Variants in DNER observed in about 807,000 individuals in gnomAD.
DNER encodes the protein delta and Notch-like epidermal growth factor-related receptor.
In DNER, 33 loss-of-function variants were observed where a neutral mutation model predicts 78.2. The observed-to-expected ratio is 0.42, with a 90% CI of 0.32 to 0.56. DNER has a LOEUF of 0.56. DNER is among the 20% of genes least tolerant of loss of function. The pLI, the probability that DNER is intolerant of heterozygous loss-of-function variation, is 0.11. For missense variants in DNER, 918 were observed against 975.3 expected, an observed-to-expected ratio of 0.94 and a Z score of 0.78; for synonymous variants, 417 against 384.8, an observed-to-expected ratio of 1.08 and a Z score of -0.98.
intron 5 of DNER, among the ~76,000 whole-genome samples, chr2:229,513,771 A>G (rs180692141): frequency 2.6e-4 from 39 of 152,254 alleles, no homozygotes; most frequent in African/African-American, 9.4e-4. Context: ...AGATCTTACT[A>G]CTTAAGAAAA....
chr2:229,633,510 A>G (rs1698474793), intron 1 of DNER, among the ~76,000 whole-genome samples: 1 of 152,272 alleles, frequency 6.6e-6, no homozygotes, highest in African/African-American at 2.4e-5. Flanking sequence ...CTAAGATAGT[A>G]GAATTTCTTT....
chr2:229,658,126 C>T (rs1490556068), intron 1 of DNER, among the ~76,000 whole-genome samples: 2 of 152,136 alleles, frequency 1.3e-5, no homozygotes, highest in East Asian at 1.9e-4. Context: ...ATCAGGGAGT[C>T]GGGGTCATAT....
chr2:229,458,952 A>G (rs929878031), intron 7 of DNER, among the ~76,000 whole-genome samples: 3 of 152,100 alleles, frequency 2.0e-5, no homozygotes, highest in Non-Finnish European at 4.4e-5. Flanking sequence ...ACAAAAATCA[A>G]TAGTGTTTCT....
intron 1 of DNER, among the ~76,000 whole-genome samples, chr2:229,699,812 T>G (rs953541041): frequency 3.9e-5 from 6 of 152,188 alleles, no homozygotes; most frequent in Non-Finnish European, 5.9e-5. Flanking sequence ...AAGCATAGAC[T>G]TCTAATTAAA....
chr2:229,646,583 AT>A (rs1698722712), intron 1 of DNER, among the ~76,000 whole-genome samples: 1 of 152,262 alleles, frequency 6.6e-6, no homozygotes, highest in Non-Finnish European at 1.5e-5. Flanking sequence ...CTTCTGACAG[AT>A]GCTCGTTACA....
chr2:229,696,423 G>A (rs1699663782), intron 1 of DNER, among the ~76,000 whole-genome samples: 1 of 152,204 alleles, frequency 6.6e-6, no homozygotes, highest in African/African-American at 2.4e-5. Flanking sequence ...ACCCTGTGCT[G>A]TTGCTTATAA....
intron 5 of DNER, among the ~76,000 whole-genome samples, chr2:229,527,677 C>T (rs1384661332): frequency 6.6e-6 from 1 of 152,112 alleles, no homozygotes; most frequent in African/African-American, 2.4e-5. Flanking sequence ...TGAGTTACTT[C>T]TATTTTTTAA....
At chr2:229,708,498 G>A (rs977999538) in intron 1 of DNER, among the ~76,000 whole-genome samples, 3 of 152,302 alleles carry the variant, frequency 2.0e-5, no homozygotes, top group South Asian at 2.1e-4. Context: ...CCACATTGTC[G>A]GGTTTTCTGT....
chr2:229,605,377 T>C (rs1697914747), intron 1 of DNER, among the ~76,000 whole-genome samples: 1 of 152,144 alleles, frequency 6.6e-6, no homozygotes, highest in Non-Finnish European at 1.5e-5. Flanking sequence ...ACCTGTATAA[T>C]TGTATCTAAT....
intron 8 of DNER, among the ~76,000 whole-genome samples, chr2:229,419,992 C>A (rs1693731379): frequency 6.7e-6 from 1 of 149,642 alleles, no homozygotes; most frequent in Non-Finnish European, 1.5e-5. Flanking sequence ...GACAGCCTCT[C>A]ACAACAAGAC....
chr2:229,714,299 A>T lies in DNER; in HGVS notation c.125T>A (p.Leu42Gln). Residue 42 changes from leucine (L) to glutamine (Q), a missense_variant, in exon 1 of 13, where the codon CTG (leucine) becomes CAG (glutamine). By Grantham distance (113) the Leu-to-Gln change is moderately radical. Coordinates refer to ENST00000341772, the MANE Select transcript of DNER (RefSeq NM_139072.4). ...SLANPVPAAPLSAPGPCAAQP... is the reference protein window; with the variant it reads ...SLANPVPAAPQSAPGPCAAQP... ...CGCGGCGCACGGCCCGGGCGCAGAC[A>T]GGGGCGCGGCGGGCACCGGGTTGGC... 3.0e-6 allele frequency: 4 copies of T among 1,315,368 alleles called. No individual in the cohort carries two copies. The highest frequency in any genetic ancestry group is 3.9e-6 in the Non-Finnish European group (4 of 1,036,422). 81.5% of individuals were successfully genotyped at this position (1,315,368 alleles called of 1,614,324 possible). A position where few individuals can be genotyped will look rare whatever the true frequency, so the allele number is the denominator to read the frequency against.
intron 11 of DNER, among the ~76,000 whole-genome samples, chr2:229,370,140 T>G (rs1029898116): frequency 9.9e-5 from 15 of 152,174 alleles, no homozygotes; most frequent in African/African-American, 3.6e-4. Flanking sequence ...GAATCACAAT[T>G]AGCTATTCCT....
chr2:229,524,175 G>C (rs1696156076), intron 5 of DNER, among the ~76,000 whole-genome samples: 1 of 152,208 alleles, frequency 6.6e-6, no homozygotes, highest in Non-Finnish European at 1.5e-5. Context: ...CTTTACATTA[G>C]AAGAACATGA....
At chr2:229,637,090 C>T (rs971983362) in intron 1 of DNER, among the ~76,000 whole-genome samples, 13 of 152,324 alleles carry the variant, frequency 8.5e-5, no homozygotes, top group Non-Finnish European at 1.6e-4. Flanking sequence ...TCTGTTTTCT[C>T]ACCCATCCCA....
chr2:229,429,489 A>G (rs975315592), intron 8 of DNER, among the ~76,000 whole-genome samples: 3 of 152,170 alleles, frequency 2.0e-5, no homozygotes, highest in Non-Finnish European at 2.9e-5. Context: ...CATTAAGCAC[A>G]ATGCCTGGCG....
chr2:229,656,017 GCC>G (rs1470116697), intron 1 of DNER, among the ~76,000 whole-genome samples: 2 of 152,064 alleles, frequency 1.3e-5, no homozygotes, highest in Non-Finnish European at 2.9e-5. Flanking sequence ...TCTGGAGGAA[GCC>G]TGGCCCCACC....
At position 229,358,436 on chromosome 2, in the gene DNER, C is replaced by A; in HGVS notation, c.*104G>T. On this transcript the variant is annotated 3_prime_UTR_variant, in exon 13 of 13. Transcript: ENST00000341772. ...TAGTTCTTAAATATTCTACTGAAAA[C>A]TCTTGAGCAGCTAGCATTTTAAATT... The A allele has an allele frequency of 1.1e-6, 1 of 939,486 alleles. No individual in the cohort carries two copies. Among genetic ancestry groups the A allele is most frequent in the South Asian group, 2.5e-5 (1 of 39,544 alleles). 58.2% of individuals were successfully genotyped at this position (939,486 alleles called of 1,614,324 possible).
intron 6 of DNER, among the ~76,000 whole-genome samples, chr2:229,481,392 G>A (rs1321119752): frequency 1.3e-5 from 2 of 152,158 alleles, no homozygotes; most frequent in Non-Finnish European, 2.9e-5. Context: ...AGAGGCAGAG[G>A]ACAAGGAGCC....
chr2:229,697,199 C>T (rs1004381515), intron 1 of DNER, among the ~76,000 whole-genome samples: 1 of 152,136 alleles, frequency 6.6e-6, no homozygotes, highest in African/African-American at 2.4e-5. Flanking sequence ...AATACTGCAA[C>T]GTGGATGAAT....
Sources: allele counts gnomAD v4.1 joint callset (sites outside exome capture counted in the v4.1 genomes callset), GRCh38; gene constraint gnomAD v4.1.1; transcripts MANE v1.5; gene names NCBI Gene and HGNC (gene_info 2026-07-23, HGNC 2026-07-21).